Variants in SLC12A1 observed in about 807,000 individuals in gnomAD.
SLC12A1 encodes the protein Na-K-2Cl cotransporter.
Under a neutral mutation model 130.4 loss-of-function variants are expected in SLC12A1, and 89 were observed. The observed-to-expected ratio is 0.68, with a 90% CI of 0.58 to 0.81. SLC12A1 has a LOEUF of 0.81. Among genes scored for constraint, SLC12A1 ranks in the 40% least tolerant of loss-of-function variants. The pLI, the probability that SLC12A1 is intolerant of heterozygous loss-of-function variation, is 0.00. For synonymous variants in SLC12A1, 499 were observed against 460.0 expected (o/e 1.08, Z -1.09); for missense variants, 1,310 against 1,336.4 (o/e 0.98, Z 0.31).
intron 5 of SLC12A1, chr15:48,227,146 T>C: frequency 6.4e-7 from 1 of 1,551,928 alleles, no homozygotes; most frequent in African/African-American, 1.4e-5. Context: ...CTATGTCTGC[T>C]ATTTGCACGA....
intron 14 of SLC12A1, among the ~76,000 whole-genome samples, chr15:48,251,266 C>T (rs747055870): frequency 6.6e-6 from 1 of 151,858 alleles, no homozygotes; most frequent in African/African-American, 2.4e-5. Context: ...AGATCCCACT[C>T]TTTCCATTCC....
intron 17 of SLC12A1, among the ~76,000 whole-genome samples, chr15:48,263,907 G>A (rs1387766495): frequency 6.6e-6 from 1 of 152,006 alleles, no homozygotes; most frequent in Admixed American, 6.6e-5. Flanking sequence ...TGCCCAGGCT[G>A]GTCTCCAACT....
At chr15:48,245,145 A>G (rs113313867) in intron 11 of SLC12A1, among the ~76,000 whole-genome samples, 36 of 152,348 alleles carry the variant, frequency 2.4e-4, no homozygotes, top group African/African-American at 8.7e-4. Flanking sequence ...GGGAGAGATC[A>G]TCTCCTGGCA....
Position 48,301,400 on chromosome 15 carries a change from C to T in SLC12A1, c.3164+18C>T, listed in dbSNP as rs2042230611. ...ATTGTCCTGTAAGTATCATTGCAAG[C>T]ATTGAAGAACATTAGAAATAAATCT... is the stretch of plus-strand genomic sequence containing the variant. On this transcript the variant is annotated intron_variant, in intron 26 of 26. Transcript: ENST00000380993. 6.6e-7 allele frequency: 1 copy of T among 1,508,088 alleles called. No homozygotes were observed. Among genetic ancestry groups the T allele is most frequent in the Non-Finnish European group, 9.0e-7 (1 of 1,104,980 alleles). 93.4% of individuals were successfully genotyped at this position (1,508,088 alleles called of 1,614,324 possible).
At chr15:48,272,306 T>C (rs1246819885) in intron 19 of SLC12A1, among the ~76,000 whole-genome samples, 2 of 152,258 alleles carry the variant, frequency 1.3e-5, no homozygotes, top group Admixed American at 1.3e-4. Context: ...ATGACTTAAA[T>C]CACAGTATTA....
intron 24 of SLC12A1, among the ~76,000 whole-genome samples, chr15:48,296,057 GC>G (rs1308430820): frequency 2.6e-5 from 4 of 152,178 alleles, no homozygotes; most frequent in African/African-American, 9.7e-5. Flanking sequence ...AGACCCAGGG[GC>G]TAAGGCTTAG....
chr15:48,277,990 T>C (rs1406323523), intron 20 of SLC12A1, among the ~76,000 whole-genome samples: 6 of 152,346 alleles, frequency 3.9e-5, no homozygotes, highest in African/African-American at 1.4e-4. Flanking sequence ...GGTTATCTCT[T>C]GGTGCCTTTA....
chr15:48,299,024 T>C, intron 24 of SLC12A1, 116 bp from the exon 25 acceptor site: 2 of 875,156 alleles, frequency 2.3e-6, no homozygotes, highest in Non-Finnish European at 3.6e-6. Context: ...TCTTAAAAGA[T>C]TTGCATGATA....
chr15:48,274,733 G>A (rs1172714091), intron 20 of SLC12A1, 80 bp downstream of exon 20: 2 of 913,352 alleles, frequency 2.2e-6, no homozygotes, highest in Non-Finnish European at 3.5e-6. Context: ...GATACAGCAG[G>A]GCACAATATA....
chr15:48,263,940 T>A (rs2041803391), intron 17 of SLC12A1, among the ~76,000 whole-genome samples: 1 of 152,034 alleles, frequency 6.6e-6, no homozygotes, highest in Non-Finnish European at 1.5e-5. Flanking sequence ...CGATTTGCCC[T>A]CCTCGACCTC....
intron 2 of SLC12A1, among the ~76,000 whole-genome samples, chr15:48,216,337 A>G (rs2041121448): frequency 6.6e-6 from 1 of 152,230 alleles, no homozygotes; most frequent in Non-Finnish European, 1.5e-5. Flanking sequence ...AGTTCATTTT[A>G]GAGGAAATTT....
At chr15:48,214,001 G>A (rs1350047325) in intron 2 of SLC12A1, among the ~76,000 whole-genome samples, 1 of 152,180 alleles carries the variant, frequency 6.6e-6, no homozygotes, top group Non-Finnish European at 1.5e-5. Context: ...CTTTTCTACA[G>A]TGTTTCAAAG....
chr15:48,238,244 T>C (rs1472759948), intron 9 of SLC12A1, among the ~76,000 whole-genome samples: 1 of 152,058 alleles, frequency 6.6e-6, no homozygotes, highest in African/African-American at 2.4e-5. Context: ...GAAGCTCACA[T>C]TTGTCTATTG....
At chr15:48,273,150 G>T (rs9806240) in intron 19 of SLC12A1, among the ~76,000 whole-genome samples, 3 of 150,138 alleles carry the variant, frequency 2.0e-5, no homozygotes, top group Admixed American at 1.3e-4. Flanking sequence ...CAGTTCTGTC[G>T]ATTAGTCTGG....
rs2042253802 is a variant in SLC12A1, at chr15:48,303,072, G to C, written c.*187G>C. 1 of 439,266 alleles carries C rather than the reference G, an allele frequency of 2.3e-6. No individual in the cohort carries two copies. The highest frequency in any genetic ancestry group is 2.0e-5 in the African/African-American group (1 of 49,544). 27.2% of individuals were successfully genotyped at this position (439,266 alleles called of 1,614,324 possible). A position where few individuals can be genotyped will look rare whatever the true frequency, so the allele number is the denominator to read the frequency against. On this transcript the variant is annotated 3_prime_UTR_variant, in exon 27 of 27. Coordinates refer to ENST00000380993, the MANE Select transcript of SLC12A1 (RefSeq NM_000338.3). ...CTTTTTTTTCTCTTCTCAGCTTAAG[G>C]GGTTGTCAAAGCCAATGTTATCCCT...
At position 48,208,127 on chromosome 15, in the gene SLC12A1, G is replaced by C. The variant is rs1367282350; in HGVS notation, c.408G>C (p.Glu136Asp). The C allele has an allele frequency of 1.3e-6, 2 of 1,584,032 alleles. No homozygotes were observed. Among genetic ancestry groups the C allele is most frequent in the Non-Finnish European group, 1.7e-6 (2 of 1,164,326 alleles). Residue 136 changes from glutamate to aspartate, a missense_variant, in exon 2 of 27, where the codon GAG (glutamate) becomes GAC (aspartate). Physicochemically the swap from Glu to Asp is conservative, Grantham distance 45 (BLOSUM62 2). Transcript: ENST00000380993. The part of the protein sequence containing the change: ...VNRPSLLEIH[E>D]QLAKNVAVTP... ...GACCCAGCCTGCTTGAGATTCACGA[G>C]CAACTCGCAAAGGTAAGCTTGAAGG...
rs1555387784 is a variant in SLC12A1 at position 48,301,502 on chromosome 15, T to TG, written c.3164+129dup. The TG allele has an allele frequency of 2.0e-3, 873 of 439,336 alleles. 11 individuals are homozygous for TG. Among genetic ancestry groups the TG allele is most frequent in the Non-Finnish European group, 2.0e-3 (565 of 277,184 alleles). 27.2% of individuals were successfully genotyped at this position (439,336 alleles called of 1,614,324 possible). A position where few individuals can be genotyped will look rare whatever the true frequency, so the allele number is the denominator to read the frequency against. On this transcript the variant is annotated intron_variant, in intron 26 of 26. Transcript: ENST00000380993. ...TTTTGTTTTGTTTTTGTGTTTTTTT[T>TG]GGGGGGGGGAACACGTGGGATTCTT...
chr15:48,258,089 CGGTGG>C (rs1330809184), intron 16 of SLC12A1, among the ~76,000 whole-genome samples: 1 of 122,446 alleles, frequency 8.2e-6, no homozygotes, highest in Non-Finnish European at 1.5e-5. Context: ...CGGCCGGGCG[CGGTGG>C]CTCACGCCTG....
At chr15:48,301,461 A>T in intron 26 of SLC12A1, 79 bp downstream of exon 26, 6 of 855,448 alleles carry the variant, frequency 7.0e-6, no homozygotes, top group South Asian at 2.3e-5. Flanking sequence ...AAAGCTTGGG[A>T]CTCTTCAGGT....
Sources: gnomAD v4.1 joint callset for allele counts (sites outside exome capture counted in the v4.1 genomes callset) on GRCh38, gnomAD v4.1.1 for gene constraint, MANE v1.5 for transcripts, NCBI Gene and HGNC (gene_info 2026-07-23, HGNC 2026-07-21) for gene names.